Variants in TBC1D19 observed in about 807,000 individuals in gnomAD.
The protein encoded by TBC1D19 is TBC1 domain family member 19.
In TBC1D19, 60 loss-of-function variants were observed where a neutral mutation model predicts 89.0. That is an observed-to-expected ratio of 0.67 (90% confidence interval 0.55 to 0.84). TBC1D19 has a LOEUF of 0.84. TBC1D19 is among the 40% of genes least tolerant of loss of function. TBC1D19 has a pLI of 0.00. For synonymous variants in TBC1D19, 189 were observed against 199.7 expected (o/e 0.95, Z 0.45); for missense variants, 500 against 610.8 (o/e 0.82, Z 1.91).
At chr4:26,661,560 G>T (rs1343854264) in intron 8 of TBC1D19, among the ~76,000 whole-genome samples, 1 of 152,036 alleles carries the variant, frequency 6.6e-6, no homozygotes, top group Non-Finnish European at 1.5e-5. Flanking sequence ...AATTCTTCCA[G>T]TATGAGAGGC....
At chr4:26,687,989 A>G (rs1713961426) in intron 12 of TBC1D19, among the ~76,000 whole-genome samples, 1 of 152,112 alleles carries the variant, frequency 6.6e-6, no homozygotes, top group South Asian at 2.1e-4. Flanking sequence ...GAACAGTGAG[A>G]TTGGAACAGT....
chr4:26,771,585 A>C, the TBC1D19 span, among the ~76,000 whole-genome samples: 1 of 152,366 alleles, frequency 6.6e-6, no homozygotes, highest in East Asian at 1.9e-4. Context: ...CAAATACTGC[A>C]TGATTCCACT....
the TBC1D19 span, among the ~76,000 whole-genome samples, chr4:26,779,690 G>A: frequency 6.6e-6 from 1 of 152,114 alleles, no homozygotes; most frequent in African/African-American, 2.4e-5. Context: ...AGGGCCCTGG[G>A]GATAAGTGCC....
chr4:26,672,028 A>C, intron 9 of TBC1D19, 121 bp from the exon 10 acceptor site: 1 of 448,216 alleles, frequency 2.2e-6, no homozygotes, highest in Non-Finnish European at 3.6e-6. Context: ...AGTTTTCTGT[A>C]GAGCCATCTG....
chr4:26,627,623 C>T (rs1190351198), intron 4 of TBC1D19, among the ~76,000 whole-genome samples: 2 of 151,984 alleles, frequency 1.3e-5, no homozygotes, highest in Non-Finnish European at 2.9e-5. Context: ...TTTTGATTTG[C>T]ATTTCTCTGA....
intron 7 of TBC1D19, among the ~76,000 whole-genome samples, chr4:26,649,775 A>C (rs975474751): frequency 2.1e-4 from 32 of 151,670 alleles, no homozygotes; most frequent in Non-Finnish European, 4.1e-4. Context: ...GGTTTGTTAC[A>C]TATGTATACA....
At chr4:26,699,880 G>A (rs554432042) in intron 13 of TBC1D19, among the ~76,000 whole-genome samples, 16 of 151,866 alleles carry the variant, frequency 1.1e-4, no homozygotes, top group African/African-American at 3.6e-4. Flanking sequence ...GGGGGAAGGG[G>A]GAGGGAAAGC....
intron 1 of TBC1D19, chr4:26,585,206 A>G: frequency 2.2e-6 from 1 of 445,424 alleles, no homozygotes; most frequent in East Asian, 7.3e-5. Context: ...GTTTCATTCT[A>G]TGAGAAACTG....
intron 13 of TBC1D19, among the ~76,000 whole-genome samples, chr4:26,690,717 T>A (rs1282609063): frequency 6.6e-6 from 1 of 152,186 alleles, no homozygotes; most frequent in East Asian, 1.9e-4. Context: ...AAAAAAACAT[T>A]CATTTCAAAA....
intron 19 of TBC1D19, among the ~76,000 whole-genome samples, chr4:26,748,839 A>C (rs1718790448): frequency 6.6e-6 from 1 of 152,150 alleles, no homozygotes; most frequent in Non-Finnish European, 1.5e-5. Context: ...AGGTCTGTGC[A>C]GCAGAGTGTA....
downstream of TBC1D19, among the ~76,000 whole-genome samples, chr4:26,759,520 A>G (rs543539641): frequency 6.6e-6 from 1 of 152,282 alleles, no homozygotes; most frequent in African/African-American, 2.4e-5. Context: ...GTACAGTTCT[A>G]TAAGTCTTAA....
At chr4:26,688,255 G>T in intron 12 of TBC1D19, 90 bp from the exon 13 acceptor site, 1 of 1,402,144 alleles carries the variant, frequency 7.1e-7, no homozygotes, top group Non-Finnish European at 9.3e-7. Context: ...TAAATTTATT[G>T]CAGTAGTGCT....
the TBC1D19 span, among the ~76,000 whole-genome samples, chr4:26,780,862 C>T: frequency 1.3e-5 from 2 of 152,140 alleles, no homozygotes; most frequent in African/African-American, 4.8e-5. Flanking sequence ...ATGGAGGAAG[C>T]CTGGCACCTC....
At chr4:26,639,628 A>C (rs1743360323) in intron 6 of TBC1D19, among the ~76,000 whole-genome samples, 1 of 152,190 alleles carries the variant, frequency 6.6e-6, no homozygotes, top group Admixed American at 6.5e-5. Context: ...ATTTACTATG[A>C]TAGATGCCTA....
chr4:26,770,890 G>A, the TBC1D19 span, among the ~76,000 whole-genome samples: 1 of 151,960 alleles, frequency 6.6e-6, no homozygotes, highest in African/African-American at 2.4e-5. Context: ...AAATCAAAAG[G>A]GAAGCTTGAA....
At chr4:26,803,587 G>A in the TBC1D19 span, among the ~76,000 whole-genome samples, 8 of 152,358 alleles carry the variant, frequency 5.3e-5, no homozygotes, top group South Asian at 8.3e-4. Context: ...GCATTTCAGA[G>A]AGAAACAGAA....
chr4:26,855,458 A>G, the TBC1D19 span, among the ~76,000 whole-genome samples: 2 of 152,192 alleles, frequency 1.3e-5, no homozygotes, highest in East Asian at 1.9e-4. Context: ...ACAACCCTCT[A>G]TCTAGGTATT....
intron 15 of TBC1D19, 39 bp from the exon 16 acceptor site, chr4:26,735,416 C>T: frequency 2.1e-6 from 3 of 1,463,364 alleles, no homozygotes; most frequent in Non-Finnish European, 1.9e-6. Flanking sequence ...AATCAGTAGG[C>T]CTACTACTTA....
chr4:26,840,728 G>A, the TBC1D19 span, among the ~76,000 whole-genome samples: 2 of 152,192 alleles, frequency 1.3e-5, no homozygotes, highest in South Asian at 2.1e-4. Context: ...ATGCTCATGG[G>A]TTAGTGCTCT....
Sources: allele counts gnomAD v4.1 joint callset (sites outside exome capture counted in the v4.1 genomes callset), GRCh38; gene constraint gnomAD v4.1.1; transcripts MANE v1.5; gene names NCBI Gene and HGNC (gene_info 2026-07-23, HGNC 2026-07-21).